Variants in CNTN6 observed in about 807,000 individuals in gnomAD.
CNTN6 encodes the protein contactin 6, also known as contactin-6.
Under a neutral mutation model 122.8 loss-of-function variants are expected in CNTN6, and 137 were observed. The observed-to-expected ratio is 1.12, with a 90% CI of 0.97 to 1.29. The LOEUF (loss-of-function observed/expected upper bound fraction) is 1.29. Among genes scored for constraint, CNTN6 ranks in the 50% most tolerant of loss-of-function variants. The pLI is 0.00. For synonymous variants in CNTN6, 570 were observed against 426.0 expected, an observed-to-expected ratio of 1.34 and a Z score of -4.16; for missense variants, 1,634 against 1,223.4, an observed-to-expected ratio of 1.34 and a Z score of -5.01.
At chr3:1,251,210 A>G (rs887862568) in intron 4 of CNTN6, among the ~76,000 whole-genome samples, 6 of 152,098 alleles carry the variant, frequency 3.9e-5, no homozygotes, top group African/African-American at 1.2e-4. Flanking sequence ...ATCTTAGCCA[A>G]TAGCCACGCT....
intron 4 of CNTN6, among the ~76,000 whole-genome samples, chr3:1,233,725 ACT>A (rs1294342824): frequency 8.5e-6 from 1 of 116,986 alleles, no homozygotes; most frequent in African/African-American, 3.3e-5. Flanking sequence ...ACAGAACGAG[ACT>A]CTGTCTCAAA....
intron 2 of CNTN6, among the ~76,000 whole-genome samples, chr3:1,155,641 T>C (rs1453820262): frequency 6.6e-6 from 1 of 152,254 alleles, no homozygotes; most frequent in African/African-American, 2.4e-5. Context: ...CAGCCAGTGC[T>C]GTTTCAGTAT....
intron 1 of CNTN6, among the ~76,000 whole-genome samples, chr3:1,104,090 CAGAG>C (rs1327721091): frequency 1.3e-5 from 2 of 152,050 alleles, no homozygotes; most frequent in African/African-American, 4.8e-5. Context: ...ATGAACAAGA[CAGAG>C]AAGAGTTCTG....
At chr3:1,260,803 G>C (rs1205698276) in intron 4 of CNTN6, among the ~76,000 whole-genome samples, 1 of 152,020 alleles carries the variant, frequency 6.6e-6, no homozygotes, top group Non-Finnish European at 1.5e-5. Context: ...GCCGTGTAAA[G>C]AAGGACGTGT....
intron 4 of CNTN6, among the ~76,000 whole-genome samples, chr3:1,259,121 C>T (rs2094805243): frequency 6.6e-6 from 1 of 152,076 alleles, no homozygotes; most frequent in African/African-American, 2.4e-5. Context: ...TAGATGTGTC[C>T]TACCAATGAT....
Position 1,126,757 on chromosome 3 carries a change from G to A in CNTN6, c.-82-21170G>A, listed in dbSNP as rs192846702. 5.3e-4 allele frequency among the ~76,000 whole-genome samples: 81 copies of A among 151,972 alleles called. 1 individual carries two copies. The highest frequency in any genetic ancestry group is 1.7e-3 in the African/African-American group (70 of 41,508). ...TGTCTTGAGCCAAGCCTGAAGAGAAGAGAAAGTCATAATCTTTACATTCAG... is the reference window on the plus strand; with the variant it reads ...TGTCTTGAGCCAAGCCTGAAGAGAAAAGAAAGTCATAATCTTTACATTCAG... On this transcript the variant is annotated intron_variant, in intron 1 of 22. Transcript: ENST00000446702.
intron 5 of CNTN6, among the ~76,000 whole-genome samples, chr3:1,295,321 T>A (rs1400899132): frequency 6.6e-6 from 1 of 152,216 alleles, no homozygotes; most frequent in Non-Finnish European, 1.5e-5. Flanking sequence ...TATTTCTTAA[T>A]AAACTCATCC....
chr3:1,322,523 CTT>C (rs1257537422), intron 8 of CNTN6, among the ~76,000 whole-genome samples: 5 of 151,622 alleles, frequency 3.3e-5, no homozygotes, highest in African/African-American at 1.2e-4. Context: ...CTTTGATAAA[CTT>C]AATGTATCTG....
At chr3:1,264,817 G>C (rs981131891) in intron 4 of CNTN6, among the ~76,000 whole-genome samples, 1 of 151,862 alleles carries the variant, frequency 6.6e-6, no homozygotes, top group Non-Finnish European at 1.5e-5. Context: ...TTTTCTTCCT[G>C]TTTCACTGAA....
intron 4 of CNTN6, among the ~76,000 whole-genome samples, chr3:1,258,748 G>A (rs1158162442): frequency 2.0e-4 from 31 of 152,016 alleles, no homozygotes. Flanking sequence ...CTTAGGTTCA[G>A]GTTTTATCTG....
At chr3:1,282,635 G>A (rs947932097) in intron 5 of CNTN6, among the ~76,000 whole-genome samples, 1 of 152,086 alleles carries the variant, frequency 6.6e-6, no homozygotes, top group Non-Finnish European at 1.5e-5. Context: ...ACGAAGTTTT[G>A]TAAGGACAGC....
intron 4 of CNTN6, among the ~76,000 whole-genome samples, chr3:1,259,188 T>G (rs2094806012): frequency 6.6e-6 from 1 of 151,664 alleles, no homozygotes; most frequent in Non-Finnish European, 1.5e-5. Context: ...ATCTCATTTC[T>G]CATATTATTT....
chr3:1,161,698 A>T (rs1292533879), intron 2 of CNTN6, among the ~76,000 whole-genome samples: 2 of 151,448 alleles, frequency 1.3e-5, no homozygotes, highest in Non-Finnish European at 2.9e-5. Context: ...TTTATTCGGT[A>T]CAAAAAACAA....
At chr3:1,282,996 G>A (rs1479454571) in intron 5 of CNTN6, among the ~76,000 whole-genome samples, 1 of 151,576 alleles carries the variant, frequency 6.6e-6, no homozygotes, top group African/African-American at 2.4e-5. Flanking sequence ...TTTTTGAGAG[G>A]GAGTCTCGCC....
At chr3:1,356,830 GTTA>G (rs1394959210) in intron 12 of CNTN6, among the ~76,000 whole-genome samples, 2 of 151,790 alleles carry the variant, frequency 1.3e-5, no homozygotes, top group Non-Finnish European at 2.9e-5. Flanking sequence ...TATATAAGGA[GTTA>G]TTATACTGGT....
intron 12 of CNTN6, among the ~76,000 whole-genome samples, chr3:1,352,885 A>G (rs769455692): frequency 4.0e-5 from 6 of 151,742 alleles, no homozygotes; most frequent in Non-Finnish European, 7.4e-5. Flanking sequence ...CCAGGTACAA[A>G]ACTAATGAAA....
chr3:1,130,968 A>G (rs1477662924), intron 1 of CNTN6, among the ~76,000 whole-genome samples: 1 of 152,136 alleles, frequency 6.6e-6, no homozygotes, highest in Non-Finnish European at 1.5e-5. Flanking sequence ...TAAATAACAT[A>G]GACAAAATCA....
At chr3:1,359,840 G>T (rs1215608215) in intron 12 of CNTN6, among the ~76,000 whole-genome samples, 1 of 152,004 alleles carries the variant, frequency 6.6e-6, no homozygotes, top group Admixed American at 6.6e-5. Context: ...TCTGTCCAAG[G>T]TTTATTTCAG....
At chr3:1,333,382 C>G (rs1275157811) in intron 11 of CNTN6, among the ~76,000 whole-genome samples, 1 of 151,946 alleles carries the variant, frequency 6.6e-6, no homozygotes, top group Non-Finnish European at 1.5e-5. Context: ...AATGCCACAC[C>G]AGACTGATTA....
Sources: gnomAD v4.1 joint callset for allele counts (sites outside exome capture counted in the v4.1 genomes callset) on GRCh38, gnomAD v4.1.1 for gene constraint, MANE v1.5 for transcripts, NCBI Gene and HGNC (gene_info 2026-07-23, HGNC 2026-07-21) for gene names.